PTPRG: variants seen among roughly 807,000 people sequenced by gnomAD.
The protein encoded by PTPRG is receptor-type tyrosine-protein phosphatase gamma.
In PTPRG, 102 loss-of-function variants were observed where a neutral mutation model predicts 165.3. The ratio of observed to expected loss-of-function variants is 0.62; its 90% CI spans 0.53 to 0.73. PTPRG has a LOEUF of 0.73. Ranked by LOEUF, PTPRG falls within the 30% of genes least tolerant of loss-of-function variation. The probability of loss-of-function intolerance (pLI) is 0.00; values close to 1 mark genes in which losing one functional copy is unlikely to be tolerated. For missense variants in PTPRG, 1,866 were observed against 1,861.4 expected, an observed-to-expected ratio of 1.00 and a Z score of -0.05; for synonymous variants, 675 against 669.5, an observed-to-expected ratio of 1.01 and a Z score of -0.13.
intron 2 of PTPRG, among the ~76,000 whole-genome samples, chr3:61,910,219 C>T (rs926116063): frequency 1.3e-5 from 2 of 152,202 alleles, no homozygotes; most frequent in South Asian, 2.1e-4. Flanking sequence ...CATTCTTACC[C>T]ATTCCCCACA....
intron 5 of PTPRG, among the ~76,000 whole-genome samples, chr3:62,132,218 C>G (rs1252866682): frequency 6.6e-6 from 1 of 152,212 alleles, no homozygotes; most frequent in African/African-American, 2.4e-5. Flanking sequence ...AAAACACAGT[C>G]ACCAGAAGAT....
intron 1 of PTPRG, among the ~76,000 whole-genome samples, chr3:61,736,243 CAT>C (rs1559581838): frequency 6.6e-6 from 1 of 151,064 alleles, no homozygotes; most frequent in African/African-American, 2.4e-5. Context: ...TCATCACTGA[CAT>C]AAGGTTCCTC....
chr3:62,204,389 G>A (rs946082200), intron 12 of PTPRG, among the ~76,000 whole-genome samples: 1 of 152,142 alleles, frequency 6.6e-6, no homozygotes, highest in African/African-American at 2.4e-5. Context: ...TAAAGGGGAA[G>A]GCAGACAGAT....
intron 1 of PTPRG, chr3:61,743,041 C>G: frequency 6.3e-7 from 1 of 1,596,460 alleles, no homozygotes; most frequent in South Asian, 1.1e-5. Flanking sequence ...GCGGCGCTTG[C>G]GCTGGTTCCG....
At chr3:61,875,991 C>G (rs1320437011) in intron 2 of PTPRG, among the ~76,000 whole-genome samples, 3 of 152,092 alleles carry the variant, frequency 2.0e-5, no homozygotes, top group South Asian at 2.1e-4. Context: ...TAAAGGCAGT[C>G]TTTCTTTAAA....
chr3:61,696,833 T>C (rs2030629198), intron 1 of PTPRG, among the ~76,000 whole-genome samples: 1 of 152,210 alleles, frequency 6.6e-6, no homozygotes, highest in Non-Finnish European at 1.5e-5. Flanking sequence ...CTGGTGATGG[T>C]TGATCTTCGA....
rs1238484281 is a variant in PTPRG at position 62,267,843 on chromosome 3, C to A, written c.2874+24C>A. 4 of 1,606,172 alleles carry A rather than the reference C, an allele frequency of 2.5e-6. No homozygotes were observed. In the African/African-American group the frequency reaches 5.4e-5, roughly 22 times the overall value. On this transcript the variant is annotated intron_variant, in intron 19 of 29. Coordinates refer to ENST00000474889, the MANE Select transcript of PTPRG (RefSeq NM_002841.4). ...GAGTAAGAGCCTTTTGACTCACTAT[C>A]TTAATAATGCACCTTCATTCAAAAG... is the stretch of plus-strand genomic sequence containing the variant.
chr3:62,113,624 A>G (rs1702749671), intron 5 of PTPRG, among the ~76,000 whole-genome samples: 1 of 152,172 alleles, frequency 6.6e-6, no homozygotes, highest in Admixed American at 6.5e-5. Context: ...TACAAATGTC[A>G]AGCAACATGA....
chr3:62,151,856 G>A (rs1213308604), intron 6 of PTPRG, among the ~76,000 whole-genome samples: 5 of 151,964 alleles, frequency 3.3e-5, no homozygotes, highest in African/African-American at 9.7e-5. Flanking sequence ...TGTGTCAAGC[G>A]CTCTCCTAAG....
At chr3:62,135,408 G>A (rs1465360691) in intron 6 of PTPRG, among the ~76,000 whole-genome samples, 1 of 152,134 alleles carries the variant, frequency 6.6e-6, no homozygotes, top group African/African-American at 2.4e-5. Flanking sequence ...ACAGTCTCTG[G>A]CTTGGGAACA....
intron 2 of PTPRG, among the ~76,000 whole-genome samples, chr3:61,905,340 C>A (rs1189975718): frequency 2.6e-5 from 4 of 152,096 alleles, no homozygotes; most frequent in Non-Finnish European, 4.4e-5. Flanking sequence ...TTGTCATGCG[C>A]TTTTCAGGAG....
chr3:61,570,645 T>C (rs369756395), intron 1 of PTPRG, among the ~76,000 whole-genome samples: 6 of 152,202 alleles, frequency 3.9e-5, no homozygotes, highest in African/African-American at 1.4e-4. Context: ...GATCTGTTCA[T>C]TAATTGGGAA....
intron 2 of PTPRG, among the ~76,000 whole-genome samples, chr3:61,873,670 G>A (rs1346225928): frequency 1.3e-5 from 2 of 152,096 alleles, no homozygotes; most frequent in East Asian, 3.9e-4. Flanking sequence ...TTGGGTAACT[G>A]GGGGGAGGGG....
At chr3:61,678,435 C>T (rs1468973839) in intron 1 of PTPRG, among the ~76,000 whole-genome samples, 22 of 152,230 alleles carry the variant, frequency 1.4e-4, no homozygotes, top group African/African-American at 2.6e-4. Flanking sequence ...GTCAAGAATT[C>T]GGAGGAGTCG....
chr3:62,118,922 C>A (rs530257020), intron 5 of PTPRG, among the ~76,000 whole-genome samples: 3 of 152,226 alleles, frequency 2.0e-5, no homozygotes, highest in Non-Finnish European at 4.4e-5. Context: ...CTTCTTTTAG[C>A]TTCATCCTCC....
intron 6 of PTPRG, among the ~76,000 whole-genome samples, chr3:62,147,935 G>T (rs1704183014): frequency 6.6e-6 from 1 of 152,026 alleles, no homozygotes; most frequent in South Asian, 2.1e-4. Context: ...CCAGGCGGCA[G>T]GAGTTCAAGA....
At chr3:62,025,901 A>G (rs570563603) in intron 4 of PTPRG, among the ~76,000 whole-genome samples, 71 of 141,854 alleles carry the variant, frequency 5.0e-4, no homozygotes, top group African/African-American at 1.8e-3. Flanking sequence ...ATTCTTTCCC[A>G]TATTTTACTG....
At chr3:61,917,952 T>C (rs1048720414) in intron 2 of PTPRG, among the ~76,000 whole-genome samples, 1 of 150,752 alleles carries the variant, frequency 6.6e-6, no homozygotes, top group Non-Finnish European at 1.5e-5. Flanking sequence ...AACAAATAAA[T>C]AAATAAAAGA....
chr3:61,857,002 CA>C (rs1489278876), intron 2 of PTPRG, among the ~76,000 whole-genome samples: 2 of 151,786 alleles, frequency 1.3e-5, no homozygotes, highest in African/African-American at 2.4e-5. Context: ...CCTTTATTTT[CA>C]AAGAAAAAAA....
Sources: gnomAD v4.1 joint callset for allele counts (sites outside exome capture counted in the v4.1 genomes callset) on GRCh38, gnomAD v4.1.1 for gene constraint, MANE v1.5 for transcripts, NCBI Gene and HGNC (gene_info 2026-07-23, HGNC 2026-07-21) for gene names.